The following RP1 variants were observed in gnomAD, a reference collection of about 807,000 sequenced individuals.
The protein encoded by RP1 is oxygen-regulated protein 1.
A neutral mutation model predicts 14.8 loss-of-function variants in RP1; 16 were observed. The ratio of observed to expected loss-of-function variants is 1.08; its 90% CI spans 0.73 to 1.65. The LOEUF is 1.65. RP1 is among the 40% of genes most tolerant of loss of function. RP1 has a pLI of 0.00. For missense variants in RP1, 2,631 were observed against 2,535.0 expected, an observed-to-expected ratio of 1.04 and a Z score of -0.81; for synonymous variants, 876 against 883.6, an observed-to-expected ratio of 0.99 and a Z score of 0.15.
chr8:54,811,532 G>A (rs1810994569), intron 24 of RP1, among the ~76,000 whole-genome samples: 2 of 152,148 alleles, frequency 1.3e-5, no homozygotes, highest in African/African-American at 4.8e-5. Flanking sequence ...AACCATTTCT[G>A]AGCTGTATGC....
At chr8:54,699,573 G>A (rs770008828) in intron 13 of RP1, 2 of 1,349,356 alleles carry the variant, frequency 1.5e-6, no homozygotes, top group Middle Eastern at 1.9e-4. Context: ...CTGGAATGGT[G>A]TGTAGTAAAT....
intron 23 of RP1, among the ~76,000 whole-genome samples, chr8:54,777,446 G>A (rs182296943): frequency 6.6e-6 from 1 of 152,288 alleles, no homozygotes; most frequent in Admixed American, 6.5e-5. Flanking sequence ...TTTGATGGTT[G>A]TTTTCTGGAC....
chr8:54,747,290 C>T (rs1470241224), intron 19 of RP1, among the ~76,000 whole-genome samples: 1 of 152,206 alleles, frequency 6.6e-6, no homozygotes, highest in Non-Finnish European at 1.5e-5. Context: ...TCGTCCCCTT[C>T]TCATGCTGTG....
intron 1 of RP1, among the ~76,000 whole-genome samples, chr8:54,559,514 T>C (rs1244142705): frequency 6.6e-6 from 1 of 152,150 alleles, no homozygotes; most frequent in African/African-American, 2.4e-5. Flanking sequence ...GCTAAATAAC[T>C]GTGTCTTGGT....
At chr8:54,769,652 A>G in intron 22 of RP1, 2 of 939,880 alleles carry the variant, frequency 2.1e-6, no homozygotes, top group Non-Finnish European at 3.2e-6. Context: ...ATGCAGAATC[A>G]ACCTTATTTT....
intron 23 of RP1, among the ~76,000 whole-genome samples, chr8:54,780,683 G>A (rs938665895): frequency 4.6e-5 from 7 of 152,132 alleles, no homozygotes; most frequent in African/African-American, 1.7e-4. Flanking sequence ...AGGTATTAGA[G>A]GTAATCTAGA....
At chr8:54,836,208 G>A (rs891367094) in intron 24 of RP1, among the ~76,000 whole-genome samples, 5 of 152,138 alleles carry the variant, frequency 3.3e-5, no homozygotes, top group Non-Finnish European at 7.4e-5. Flanking sequence ...AATACCAAAG[G>A]GAGAAAAGAT....
chr8:54,726,152 C>A (rs1475210209), intron 16 of RP1, among the ~76,000 whole-genome samples: 1 of 152,150 alleles, frequency 6.6e-6, no homozygotes, highest in African/African-American at 2.4e-5. Flanking sequence ...GGATGCCACC[C>A]ATGCACAGCC....
chr8:54,736,146 C>T (rs758520867), intron 18 of RP1, among the ~76,000 whole-genome samples: 5 of 152,146 alleles, frequency 3.3e-5, no homozygotes, highest in African/African-American at 1.2e-4. Context: ...AGATTGGAGT[C>T]CTTGCTTCCC....
chr8:54,648,940 T>A (rs1417990642), intron 3 of RP1: 2 of 1,388,570 alleles, frequency 1.4e-6, no homozygotes, highest in East Asian at 5.1e-5. Context: ...AGTCTTCCAT[T>A]TCTATCAGTT....
At chr8:54,684,324 A>G (rs993472157) in intron 12 of RP1, among the ~76,000 whole-genome samples, 1 of 152,148 alleles carries the variant, frequency 6.6e-6, no homozygotes, top group African/African-American at 2.4e-5. Flanking sequence ...TGCTGGCCTC[A>G]TAAAATGAGT....
chr8:54,637,637 A>T (rs1806377833), intron 3 of RP1, among the ~76,000 whole-genome samples: 1 of 150,680 alleles, frequency 6.6e-6, no homozygotes, highest in Non-Finnish European at 1.5e-5. Flanking sequence ...TCAATTTTAG[A>T]TTTTGTGTAT....
intron 24 of RP1, among the ~76,000 whole-genome samples, chr8:54,827,759 G>A (rs1053021016): frequency 7.9e-5 from 12 of 152,102 alleles, no homozygotes; most frequent in Non-Finnish European, 1.3e-4. Flanking sequence ...TTAGCCAGGC[G>A]TGGTGACAGG....
chr8:54,801,229 T>C (rs1810697754), intron 24 of RP1, among the ~76,000 whole-genome samples: 1 of 152,204 alleles, frequency 6.6e-6, no homozygotes, highest in African/African-American at 2.4e-5. Context: ...GGTTTGTCTG[T>C]TGCAGCTCAC....
At chr8:54,755,739 C>G in exon 21 of RP1, 1 of 1,528,180 alleles carries the variant, frequency 6.5e-7, no homozygotes. Context: ...CTGTACAAAT[C>G]TAACATGCAA....
At chr8:54,834,433 A>T (rs1215629679) in intron 24 of RP1, among the ~76,000 whole-genome samples, 1 of 152,064 alleles carries the variant, frequency 6.6e-6, no homozygotes, top group Non-Finnish European at 1.5e-5. Flanking sequence ...AATGACACCA[A>T]GACTAAAGAA....
intron 1 of RP1, among the ~76,000 whole-genome samples, chr8:54,583,559 A>G (rs1173457356): frequency 6.6e-6 from 1 of 152,220 alleles, no homozygotes; most frequent in South Asian, 2.1e-4. Flanking sequence ...TGATTGGAAT[A>G]GTTTCAGAAG....
intron 25 of RP1, among the ~76,000 whole-genome samples, chr8:54,850,929 T>A (rs1812045642): frequency 6.6e-6 from 1 of 152,216 alleles, no homozygotes; most frequent in Admixed American, 6.5e-5. Flanking sequence ...CAATTTAAAC[T>A]ATGTAACTCT....
chr8:54,767,283 G>T (rs1052291566), intron 22 of RP1, among the ~76,000 whole-genome samples: 18 of 152,052 alleles, frequency 1.2e-4, no homozygotes, highest in African/African-American at 4.1e-4. Flanking sequence ...ATGGGGCAAG[G>T]TTGCACAAGT....
Sources: gnomAD v4.1 joint callset for allele counts (sites outside exome capture counted in the v4.1 genomes callset) on GRCh38, gnomAD v4.1.1 for gene constraint, MANE v1.5 for transcripts, NCBI Gene and HGNC (gene_info 2026-07-23, HGNC 2026-07-21) for gene names.